ZMAT4: variants seen among roughly 807,000 people sequenced by gnomAD.
ZMAT4 encodes the protein zinc finger matrin-type protein 4.
ZMAT4 carries 17 observed loss-of-function variants against 28.7 expected under a neutral mutation model. The observed-to-expected ratio is 0.59, with a 90% confidence interval of 0.41 to 0.89. The LOEUF (loss-of-function observed/expected upper bound fraction) is 0.89, where lower values mean the gene tolerates loss of function less well. Among genes scored for constraint, ZMAT4 ranks in the 40% least tolerant of loss-of-function variants. The pLI is 0.00. For missense variants in ZMAT4, 240 were observed against 283.8 expected, an observed-to-expected ratio of 0.85 and a Z score of 1.11; for synonymous variants, 117 against 109.2, an observed-to-expected ratio of 1.07 and a Z score of -0.44.
At chr8:40,533,516 G>A (rs1437827440) in intron 6 of ZMAT4, among the ~76,000 whole-genome samples, 5 of 152,154 alleles carry the variant, frequency 3.3e-5, no homozygotes, top group Admixed American at 3.3e-4. Context: ...AGGTCCAAAT[G>A]TCTCACTGGC....
At chr8:40,578,359 C>T (rs1396767234) in intron 6 of ZMAT4, among the ~76,000 whole-genome samples, 3 of 152,036 alleles carry the variant, frequency 2.0e-5, no homozygotes, top group African/African-American at 7.2e-5. Context: ...AAAATTAACA[C>T]TAGGTGGATC....
intron 1 of ZMAT4, among the ~76,000 whole-genome samples, chr8:40,828,381 A>G (rs1370951547): frequency 2.0e-5 from 3 of 152,142 alleles, no homozygotes; most frequent in Non-Finnish European, 4.4e-5. Context: ...GTTAATAGGA[A>G]TCTCCAAACT....
intron 1 of ZMAT4, among the ~76,000 whole-genome samples, chr8:40,881,528 CAGAAAGAAA>C (rs1302881568): frequency 3.9e-5 from 2 of 51,916 alleles, no homozygotes; most frequent in Non-Finnish European, 3.8e-5. Context: ...GAGAGAGAGA[CAGAAAGAAA>C]GAAAGAAAGA....
chr8:40,583,067 G>A (rs1432952930), intron 5 of ZMAT4, among the ~76,000 whole-genome samples: 1 of 152,196 alleles, frequency 6.6e-6, no homozygotes, highest in Non-Finnish European at 1.5e-5. Flanking sequence ...TTTCTTAAGA[G>A]AGAGCTATAT....
At chr8:40,711,325 G>A (rs145888095) in intron 3 of ZMAT4, among the ~76,000 whole-genome samples, 2 of 152,240 alleles carry the variant, frequency 1.3e-5, no homozygotes, top group African/African-American at 4.8e-5. Context: ...AAACAGCTTT[G>A]CAACCTCCAA....
chr8:40,821,493 C>G (rs1815828055), intron 2 of ZMAT4, among the ~76,000 whole-genome samples: 1 of 152,036 alleles, frequency 6.6e-6, no homozygotes, highest in African/African-American at 2.4e-5. Context: ...CTGAGGACTT[C>G]ATATGCAAAA....
chr8:40,687,374 C>G (rs548226847), intron 4 of ZMAT4, among the ~76,000 whole-genome samples: 1 of 151,930 alleles, frequency 6.6e-6, no homozygotes, highest in Non-Finnish European at 1.5e-5. Flanking sequence ...CCGGGGAGGG[C>G]GGTTCTGGGA....
intron 1 of ZMAT4, among the ~76,000 whole-genome samples, chr8:40,849,011 T>C (rs1223518875): frequency 6.6e-6 from 1 of 152,240 alleles, no homozygotes; most frequent in African/African-American, 2.4e-5. Flanking sequence ...TCCTGACAGA[T>C]GGCGAGCCAT....
intron 1 of ZMAT4, among the ~76,000 whole-genome samples, chr8:40,890,802 C>A (rs1286201787): frequency 6.6e-6 from 1 of 152,040 alleles, no homozygotes; most frequent in Non-Finnish European, 1.5e-5. Context: ...ATCTCACTGA[C>A]ACATTGTGCC....
chr8:40,676,602 T>C (rs574055744), intron 4 of ZMAT4, among the ~76,000 whole-genome samples: 5 of 152,268 alleles, frequency 3.3e-5, no homozygotes, highest in African/African-American at 1.2e-4. Context: ...ATTAAATAAC[T>C]TATATAGAAA....
At chr8:40,707,648 T>C (rs1412914600) in intron 3 of ZMAT4, among the ~76,000 whole-genome samples, 2 of 152,192 alleles carry the variant, frequency 1.3e-5, no homozygotes, top group African/African-American at 2.4e-5. Flanking sequence ...TATGTGTGTA[T>C]ATAAAGTATG....
intron 2 of ZMAT4, among the ~76,000 whole-genome samples, chr8:40,821,961 A>G (rs552530042): frequency 2.6e-5 from 4 of 152,318 alleles, no homozygotes; most frequent in African/African-American, 9.6e-5. Flanking sequence ...AAATCATGAC[A>G]TTCTCCAACA....
chr8:40,825,253 A>T (rs1366022227), intron 2 of ZMAT4, among the ~76,000 whole-genome samples: 1 of 152,138 alleles, frequency 6.6e-6, no homozygotes, highest in Non-Finnish European at 1.5e-5. Flanking sequence ...TGCACCCTGG[A>T]TCCCTGAAAG....
chr8:40,754,507 T>C (rs1484237280), intron 3 of ZMAT4, among the ~76,000 whole-genome samples: 1 of 152,254 alleles, frequency 6.6e-6, no homozygotes, highest in African/African-American at 2.4e-5. Context: ...TGAAGCAATA[T>C]GCCATATGTT....
At chr8:40,728,609 G>A (rs919928063) in intron 3 of ZMAT4, among the ~76,000 whole-genome samples, 1 of 152,198 alleles carries the variant, frequency 6.6e-6, no homozygotes, top group Non-Finnish European at 1.5e-5. Flanking sequence ...TCTCCTGGGA[G>A]ACAAAATTGC....
intron 3 of ZMAT4, among the ~76,000 whole-genome samples, chr8:40,714,199 G>T (rs1431830930): frequency 6.6e-6 from 1 of 152,052 alleles, no homozygotes; most frequent in African/African-American, 2.4e-5. Flanking sequence ...ACACCTTAAA[G>T]GTACACTCTT....
At chr8:40,650,514 C>G (rs1432712493) in intron 5 of ZMAT4, among the ~76,000 whole-genome samples, 6 of 130,552 alleles carry the variant, frequency 4.6e-5, no homozygotes, top group Admixed American at 3.2e-4. Context: ...GGAACTGGTA[C>G]CATTCCTTCT....
chr8:40,554,436 G>A (rs543306389), intron 6 of ZMAT4, among the ~76,000 whole-genome samples: 159 of 152,044 alleles, frequency 1.0e-3, no homozygotes, highest in Non-Finnish European at 2.0e-3. Flanking sequence ...AATACACTGC[G>A]AAAAAACTAG....
rs549243673 is a variant in ZMAT4, at chr8:40,738,765, C to G, written c.192+28876G>C. Reference sequence around the variant, plus strand: ...GCTGTGGCCCCTGTCAACATTTAATCTGTTAGACACTGGCACAAGCGTCTA... The same window carrying G: ...GCTGTGGCCCCTGTCAACATTTAATGTGTTAGACACTGGCACAAGCGTCTA... On this transcript the variant is annotated intron_variant, in intron 3 of 6. Coordinates refer to ENST00000297737, the MANE Select transcript of ZMAT4 (RefSeq NM_024645.3). 4.6e-5 allele frequency among the ~76,000 whole-genome samples: 7 copies of G among 152,302 alleles called. No individual in the cohort carries two copies. In the East Asian group the frequency reaches 1.4e-3, roughly 29 times the overall value.
Sources: allele counts gnomAD v4.1 joint callset (sites outside exome capture counted in the v4.1 genomes callset), GRCh38; gene constraint gnomAD v4.1.1; transcripts MANE v1.5; gene names NCBI Gene and HGNC (gene_info 2026-07-23, HGNC 2026-07-21).